CTNND2: variants seen among roughly 807,000 people sequenced by gnomAD.
The protein encoded by CTNND2 is catenin delta 2, also known as catenin delta-2.
CTNND2 carries 22 observed loss-of-function variants against 144.4 expected under a neutral mutation model. The ratio of observed to expected loss-of-function variants is 0.15; its 90% CI spans 0.11 to 0.22. CTNND2 has a LOEUF of 0.22. Among genes scored for constraint, CTNND2 ranks in the 10% least tolerant of loss-of-function variants. The pLI is 1.00. For synonymous variants in CTNND2, 751 were observed against 695.6 expected, an observed-to-expected ratio of 1.08 and a Z score of -1.25; for missense variants, 1,353 against 1,618.8, an observed-to-expected ratio of 0.84 and a Z score of 2.82.
intron 11 of CTNND2, among the ~76,000 whole-genome samples, chr5:11,180,267 C>T (rs143828504): frequency 5.4e-4 from 82 of 152,222 alleles, no homozygotes; most frequent in African/African-American, 1.8e-3. Context: ...TTTGGCCTTC[C>T]GCTACGATTG....
chr5:11,805,930 T>C (rs1461196855), intron 1 of CTNND2, among the ~76,000 whole-genome samples: 1 of 152,078 alleles, frequency 6.6e-6, no homozygotes, highest in African/African-American at 2.4e-5. Context: ...AAGGTCAACG[T>C]CAATAATGGT....
chr5:11,199,714 TAC>T (rs1737236261), intron 10 of CTNND2, 53 bp from the exon 11 acceptor site: 1 of 1,336,486 alleles, frequency 7.5e-7, no homozygotes, highest in African/African-American at 1.4e-5. Flanking sequence ...TTTCCCTACC[TAC>T]ACCAAAACAT....
chr5:11,849,147 T>C (rs1794894008), intron 1 of CTNND2, among the ~76,000 whole-genome samples: 1 of 151,992 alleles, frequency 6.6e-6, no homozygotes, highest in Admixed American at 6.6e-5. Flanking sequence ...TCATGGCAGA[T>C]GACAAAAGGC....
chr5:11,834,781 G>T (rs1156705631), intron 1 of CTNND2, among the ~76,000 whole-genome samples: 1 of 152,120 alleles, frequency 6.6e-6, no homozygotes, highest in African/African-American at 2.4e-5. Flanking sequence ...CTGATTCACA[G>T]GTCTTTGAAT....
chr5:11,385,632 A>C (rs926762821), intron 6 of CTNND2: 2 of 152,054 alleles, frequency 1.3e-5, no homozygotes, highest in African/African-American at 4.8e-5. Context: ...TCGGGCAGTA[A>C]ATCTTTTTCT....
chr5:11,323,232 G>T (rs77166600), intron 9 of CTNND2, among the ~76,000 whole-genome samples: 4 of 10,078 alleles, frequency 4.0e-4, no homozygotes, highest in African/African-American at 8.8e-4. Flanking sequence ...TTTAGAGATT[G>T]GGGGGGGGGG....
intron 10 of CTNND2, 91 bp from the exon 11 acceptor site, chr5:11,199,752 CAATT>C (rs1194496460): frequency 1.1e-6 from 1 of 902,656 alleles, no homozygotes; most frequent in Non-Finnish European, 1.8e-6. Context: ...TATCTGCTAA[CAATT>C]AATCGCACCA....
chr5:11,447,356 G>GACAA (rs1291494637), intron 3 of CTNND2, among the ~76,000 whole-genome samples: 7 of 149,322 alleles, frequency 4.7e-5, no homozygotes, highest in Non-Finnish European at 7.4e-5. Flanking sequence ...AAAAAAAAAA[G>GACAA]ACAAACAAAC....
intron 3 of CTNND2, among the ~76,000 whole-genome samples, chr5:11,421,596 G>A (rs554097128): frequency 4.9e-4 from 74 of 152,236 alleles, no homozygotes; most frequent in Non-Finnish European, 9.9e-4. Context: ...GGGCCAAAAT[G>A]GGGCCAATAT....
chr5:11,217,799 A>G (rs1739351930), intron 10 of CTNND2, among the ~76,000 whole-genome samples: 1 of 152,156 alleles, frequency 6.6e-6, no homozygotes, highest in Non-Finnish European at 1.5e-5. Flanking sequence ...GTATGTTCAA[A>G]AGCTTAAGGT....
At chr5:11,779,854 G>C (rs1561790534) in intron 1 of CTNND2, among the ~76,000 whole-genome samples, 1 of 152,160 alleles carries the variant, frequency 6.6e-6, no homozygotes, top group African/African-American at 2.4e-5. Context: ...CTTGATGGTT[G>C]TCCATTGTAA....
At chr5:11,025,818 T>TA (rs1195531891) in intron 16 of CTNND2, among the ~76,000 whole-genome samples, 1 of 152,348 alleles carries the variant, frequency 6.6e-6, no homozygotes, top group East Asian at 1.9e-4. Context: ...TTGAAAGAGC[T>TA]AAAAAGCTAT....
intron 11 of CTNND2, among the ~76,000 whole-genome samples, chr5:11,176,132 A>G (rs889688919): frequency 1.3e-5 from 2 of 152,350 alleles, no homozygotes; most frequent in African/African-American, 4.8e-5. Context: ...AGAAGTTATC[A>G]GAACTAGTAC....
chr5:11,589,731 A>G (rs1779111621), intron 2 of CTNND2, among the ~76,000 whole-genome samples: 1 of 152,216 alleles, frequency 6.6e-6, no homozygotes, highest in African/African-American at 2.4e-5. Context: ...TAAATTCGGC[A>G]AAGTATTTTA....
chr5:11,379,832 G>A (rs1758300575), intron 7 of CTNND2, among the ~76,000 whole-genome samples: 2 of 152,240 alleles, frequency 1.3e-5, no homozygotes, highest in South Asian at 4.1e-4. Flanking sequence ...TCAGTTGTCT[G>A]CTGGATGGAT....
At chr5:11,600,664 C>T (rs1779741207) in intron 2 of CTNND2, among the ~76,000 whole-genome samples, 1 of 145,490 alleles carries the variant, frequency 6.9e-6, no homozygotes, top group Admixed American at 6.9e-5. Context: ...CAAGATCACA[C>T]CAATGCACTC....
chr5:11,667,704 A>G (rs1783649282), intron 2 of CTNND2, among the ~76,000 whole-genome samples: 1 of 152,106 alleles, frequency 6.6e-6, no homozygotes, highest in Non-Finnish European at 1.5e-5. Flanking sequence ...ATTTTCTCCC[A>G]TTCTGTAGAT....
chr5:11,661,502 G>A (rs1393451896), intron 2 of CTNND2, among the ~76,000 whole-genome samples: 5 of 152,114 alleles, frequency 3.3e-5, no homozygotes, highest in Non-Finnish European at 5.9e-5. Flanking sequence ...GATCTAAGAT[G>A]TCTTCCAAAT....
intron 2 of CTNND2, among the ~76,000 whole-genome samples, chr5:11,688,373 T>C (rs1784752103): frequency 6.6e-6 from 1 of 152,032 alleles, no homozygotes; most frequent in Admixed American, 6.6e-5. Flanking sequence ...AAGAATGACT[T>C]TGAGAAGACC....
Sources: allele counts gnomAD v4.1 joint callset (sites outside exome capture counted in the v4.1 genomes callset), GRCh38; gene constraint gnomAD v4.1.1; transcripts MANE v1.5; gene names NCBI Gene and HGNC (gene_info 2026-07-23, HGNC 2026-07-21).